Variants in TRPC5 observed in about 807,000 individuals in gnomAD.
TRPC5 encodes short transient receptor potential channel 5.
A neutral mutation model predicts 56.5 loss-of-function variants in TRPC5; 9 were observed. That is an observed-to-expected ratio of 0.16 (90% CI 0.10 to 0.28). The LOEUF is 0.28. Ranked by LOEUF, TRPC5 falls within the 10% of genes least tolerant of loss-of-function variation. The probability of loss-of-function intolerance (pLI) is 1.00; values close to 1 mark genes in which losing one functional copy is unlikely to be tolerated. For missense variants in TRPC5, 469 were observed against 748.9 expected (o/e 0.63, Z 4.36); for synonymous variants, 282 against 278.5 (o/e 1.01, Z -0.13).
At chrX:111,829,100 G>A (rs1334649961) in intron 7 of TRPC5, among the ~76,000 whole-genome samples, 2 of 109,814 alleles carry the variant, frequency 1.8e-5, no homozygotes, top group Non-Finnish European at 3.8e-5. Flanking sequence ...TCAGGCATTC[G>A]AGACCAGCCT....
intron 3 of TRPC5, among the ~76,000 whole-genome samples, chrX:111,857,478 A>G (rs769200241): frequency 8.9e-6 from 1 of 112,435 alleles, no homozygotes; most frequent in East Asian, 2.8e-4. Flanking sequence ...AAGATGAAAT[A>G]GGTTTATGGA....
At chrX:111,964,556 G>C (rs1927499675) in intron 1 of TRPC5, among the ~76,000 whole-genome samples, 1 of 112,140 alleles carries the variant, frequency 8.9e-6, no homozygotes, top group Middle Eastern at 4.6e-3. Flanking sequence ...AGGAAAAAAT[G>C]TTAAGGGCAG....
intron 1 of TRPC5, among the ~76,000 whole-genome samples, chrX:112,021,508 ATC>A (rs1929271189): frequency 8.9e-6 from 1 of 112,005 alleles, no homozygotes; most frequent in Non-Finnish European, 1.9e-5. Context: ...TTTTGCATGA[ATC>A]TCTACTGAGA....
chrX:111,944,521 A>T (rs1926884242), intron 2 of TRPC5, among the ~76,000 whole-genome samples: 2 of 110,751 alleles, frequency 1.8e-5, no homozygotes, highest in African/African-American at 6.6e-5. Context: ...TGTCCCCCAA[A>T]AGATATATTC....
At chrX:112,063,027 T>G (rs1344245788) in intron 1 of TRPC5, among the ~76,000 whole-genome samples, 1 of 111,661 alleles carries the variant, frequency 9.0e-6, no homozygotes, top group Admixed American at 9.5e-5. Flanking sequence ...AAAGGAGCGG[T>G]GGAAGGTAGG....
intron 1 of TRPC5, among the ~76,000 whole-genome samples, chrX:111,985,747 T>C (rs1178791150): frequency 1.8e-5 from 2 of 112,016 alleles, no homozygotes; most frequent in African/African-American, 6.5e-5. Flanking sequence ...TACTTCACTT[T>C]TAGGGACTCC....
chrX:111,874,607 G>A (rs911084956), intron 3 of TRPC5, among the ~76,000 whole-genome samples: 1 of 101,745 alleles, frequency 9.8e-6, no homozygotes, highest in African/African-American at 4.7e-5. Flanking sequence ...TATGAGGGTG[G>A]TATTGTTGCT....
At chrX:112,062,322 A>G (rs1930477341) in intron 1 of TRPC5, among the ~76,000 whole-genome samples, 1 of 112,118 alleles carries the variant, frequency 8.9e-6, no homozygotes, top group Non-Finnish European at 1.9e-5. Context: ...TCCTGCTCTC[A>G]AGAAGCTTAC....
At chrX:112,065,105 T>G (rs59859317) in intron 1 of TRPC5, among the ~76,000 whole-genome samples, 13,191 of 108,989 alleles carry the variant, frequency 0.12, 2,008 homozygotes, top group African/African-American at 0.41. Context: ...AAAAAGGTTA[T>G]TTTCATTCAC....
chrX:111,931,993 G>A (rs73639669), intron 2 of TRPC5, among the ~76,000 whole-genome samples: 3,318 of 111,609 alleles, frequency 0.03, 65 homozygotes, highest in African/African-American at 0.06. Context: ...CATCCAGGTG[G>A]GTATATCTAG....
At chrX:112,047,349 A>G (rs2147731104) in intron 1 of TRPC5, among the ~76,000 whole-genome samples, 1 of 111,648 alleles carries the variant, frequency 9.0e-6, no homozygotes, top group East Asian at 2.8e-4. Context: ...TTGTTAGGAC[A>G]GATTGTTAGG....
chrX:111,921,493 A>T (rs1283695755), intron 2 of TRPC5, among the ~76,000 whole-genome samples: 1 of 109,426 alleles, frequency 9.1e-6, no homozygotes, highest in African/African-American at 3.3e-5. Flanking sequence ...TTGTGTTCAG[A>T]TTGAGGTCAG....
At chrX:111,820,589 G>T (rs1181269663) in intron 7 of TRPC5, among the ~76,000 whole-genome samples, 1 of 111,752 alleles carries the variant, frequency 8.9e-6, no homozygotes, top group African/African-American at 3.3e-5. Context: ...TTTATGTACT[G>T]CCTATGACCG....
chrX:112,051,908 G>C (rs1326069453), intron 1 of TRPC5, among the ~76,000 whole-genome samples: 2 of 111,923 alleles, frequency 1.8e-5, no homozygotes, highest in Non-Finnish European at 3.8e-5. Flanking sequence ...ATTTCACTTA[G>C]AATGTGTCAT....
chrX:111,825,106 C>CTCTT (rs1312950206), intron 7 of TRPC5, among the ~76,000 whole-genome samples: 1 of 109,907 alleles, frequency 9.1e-6, no homozygotes, highest in African/African-American at 3.4e-5. Flanking sequence ...CTTTCATTTT[C>CTCTT]TCTTTCTTTC....
chrX:111,960,083 C>T (rs1307499278), intron 1 of TRPC5, among the ~76,000 whole-genome samples: 1 of 112,022 alleles, frequency 8.9e-6, no homozygotes. Context: ...ATTTTAAGCA[C>T]TCAATAGCTA....
intron 3 of TRPC5, among the ~76,000 whole-genome samples, chrX:111,874,885 T>C (rs1923874000): frequency 1.8e-5 from 2 of 112,548 alleles, no homozygotes; most frequent in South Asian, 7.4e-4. Context: ...GACCATAAGG[T>C]CAACAGTGTC....
chrX:111,953,862 A>G (rs1927158616), intron 1 of TRPC5, among the ~76,000 whole-genome samples: 1 of 112,129 alleles, frequency 8.9e-6, no homozygotes, highest in African/African-American at 3.2e-5. Context: ...CTTTCTGGGA[A>G]GTTAGTATTT....
intron 1 of TRPC5, among the ~76,000 whole-genome samples, chrX:112,064,189 C>A (rs1322269031): frequency 5.4e-5 from 6 of 111,668 alleles, no homozygotes; most frequent in Non-Finnish European, 1.1e-4. Flanking sequence ...ATATATCTTG[C>A]TTGTAGTGTA....
Sources: allele counts gnomAD v4.1 joint callset (sites outside exome capture counted in the v4.1 genomes callset), GRCh38; gene constraint gnomAD v4.1.1; transcripts MANE v1.5; gene names NCBI Gene and HGNC (gene_info 2026-07-23, HGNC 2026-07-21).